Variants in PDCD1LG2 observed in about 807,000 individuals in gnomAD.
The protein encoded by PDCD1LG2 is programmed cell death 1 ligand 2.
PDCD1LG2 carries 32 observed loss-of-function variants against 28.2 expected under a neutral mutation model. The observed-to-expected ratio is 1.13, with a 90% CI of 0.86 to 1.52. The LOEUF (loss-of-function observed/expected upper bound fraction) is 1.52. Ranked by LOEUF, PDCD1LG2 falls within the 40% of genes most tolerant of loss-of-function variation. PDCD1LG2 has a pLI of 0.00. For synonymous variants in PDCD1LG2, 116 were observed against 120.2 expected, an observed-to-expected ratio of 0.97 and a Z score of 0.23; for missense variants, 385 against 323.8, an observed-to-expected ratio of 1.19 and a Z score of -1.45.
intron 2 of PDCD1LG2, among the ~76,000 whole-genome samples, chr9:5,530,245 C>T (rs906509378): frequency 6.6e-6 from 1 of 152,124 alleles, no homozygotes; most frequent in Non-Finnish European, 1.5e-5. Context: ...AAAGGACCTG[C>T]ATACATGAAT....
At chr9:5,545,128 T>G (rs751917622) in intron 3 of PDCD1LG2, among the ~76,000 whole-genome samples, 1 of 152,232 alleles carries the variant, frequency 6.6e-6, no homozygotes, top group African/African-American at 2.4e-5. Context: ...ACTAATTGAG[T>G]GTTTACTACG....
chr9:5,526,554 C>A (rs1820383305), intron 2 of PDCD1LG2, among the ~76,000 whole-genome samples: 1 of 152,192 alleles, frequency 6.6e-6, no homozygotes, highest in African/African-American at 2.4e-5. Context: ...TCTCCTGCCT[C>A]AATCTCCTGA....
At chr9:5,551,609 C>T (rs556041865) in intron 4 of PDCD1LG2, among the ~76,000 whole-genome samples, 9 of 152,296 alleles carry the variant, frequency 5.9e-5, no homozygotes, top group East Asian at 1.9e-4. Flanking sequence ...CTGGGCTAGA[C>T]ATGCATGTGG....
intron 3 of PDCD1LG2, among the ~76,000 whole-genome samples, chr9:5,536,483 AAC>A (rs1820582505): frequency 6.6e-6 from 1 of 152,212 alleles, no homozygotes; most frequent in Admixed American, 6.5e-5. Context: ...GGAACTCTAG[AAC>A]ACTGAAGTTT....
chr9:5,555,188 G>A (rs1285364171), intron 4 of PDCD1LG2, among the ~76,000 whole-genome samples: 1 of 152,154 alleles, frequency 6.6e-6, no homozygotes, highest in East Asian at 1.9e-4. Context: ...GCTGAGATGG[G>A]TGGATTGCTT....
At chr9:5,534,635 A>T (rs1402281319) in intron 2 of PDCD1LG2, 110 bp from the exon 3 acceptor site, 5 of 926,750 alleles carry the variant, frequency 5.4e-6, no homozygotes, top group Non-Finnish European at 8.0e-6. Flanking sequence ...TCCAGATAAG[A>T]CAGGTGCCTT....
intron 1 of PDCD1LG2, among the ~76,000 whole-genome samples, chr9:5,514,975 AAGTT>A (rs1820129400): frequency 6.6e-6 from 1 of 152,064 alleles, no homozygotes; most frequent in African/African-American, 2.4e-5. Flanking sequence ...GATCTTAGTG[AAGTT>A]AGTGAGAGGA....
In PDCD1LG2 at chr9:5,530,815, G is replaced by C. The variant is rs556871143; in HGVS notation, c.56-3930G>C. ...CCAGTGACAGTCCAAATGCAGACCA[G>C]TGTTATAACTCTACTTCTCAAACAT... On this transcript the variant is annotated intron_variant, in intron 2 of 6. Coordinates refer to ENST00000397747, the MANE Select transcript of PDCD1LG2 (RefSeq NM_025239.4). Among the ~76,000 whole-genome samples, 6 of 152,342 alleles carry C rather than the reference G, an allele frequency of 3.9e-5. No homozygotes were observed. In the South Asian group the frequency reaches 1.0e-3, roughly 26 times the overall value.
intron 4 of PDCD1LG2, among the ~76,000 whole-genome samples, chr9:5,557,391 C>T (rs1255400041): frequency 6.6e-6 from 1 of 152,204 alleles, no homozygotes; most frequent in Non-Finnish European, 1.5e-5. Context: ...CTCTCTGTGC[C>T]TCCCTTTCTT....
intron 2 of PDCD1LG2, among the ~76,000 whole-genome samples, 194 bp downstream of exon 2, chr9:5,522,795 C>T (rs1280879923): frequency 6.6e-6 from 1 of 151,842 alleles, no homozygotes; most frequent in African/African-American, 2.4e-5. Flanking sequence ...CCCTATCTGA[C>T]AGAAACGGTG....
intron 3 of PDCD1LG2, among the ~76,000 whole-genome samples, chr9:5,544,126 T>G (rs1820746807): frequency 6.6e-6 from 1 of 152,214 alleles, no homozygotes. Context: ...TTGTAACATA[T>G]CTGTCAGACA....
At chr9:5,514,418 G>A (rs1175701774) in intron 1 of PDCD1LG2, among the ~76,000 whole-genome samples, 3 of 152,004 alleles carry the variant, frequency 2.0e-5, no homozygotes, top group African/African-American at 4.8e-5. Flanking sequence ...GAAACTGCTA[G>A]AACCTACCAT....
chr9:5,561,925 C>T (rs1420894501), intron 5 of PDCD1LG2, among the ~76,000 whole-genome samples: 1 of 152,218 alleles, frequency 6.6e-6, no homozygotes. Flanking sequence ...CTGAAGCCAA[C>T]ATTCAAGAGC....
intron 6 of PDCD1LG2, among the ~76,000 whole-genome samples, chr9:5,564,848 G>A (rs373997463): frequency 1.3e-5 from 2 of 152,282 alleles, no homozygotes; most frequent in South Asian, 4.1e-4. Context: ...TTTTTGGAGT[G>A]TCCTCCCTAT....
chr9:5,546,213 T>A (rs981185609), intron 3 of PDCD1LG2, among the ~76,000 whole-genome samples: 5 of 152,138 alleles, frequency 3.3e-5, no homozygotes, highest in Non-Finnish European at 7.3e-5. Flanking sequence ...CTGGCATCCC[T>A]ACTTCTGAAA....
At position 5,534,898 on chromosome 9, in the gene PDCD1LG2, G is replaced by C. The variant is rs146192984; in HGVS notation, c.209G>C (p.Arg70Pro). The C allele has an allele frequency of 6.2e-7, 1 of 1,614,130 alleles. No individual in the cohort carries two copies. The highest frequency in any genetic ancestry group is 1.6e-4 in the Middle Eastern group (1 of 6,062). ...QKVENDTSPH[R>P]ERATLLEEQL... ...GTGGAAAATGATACATCCCCACACC[G>C]TGAAAGAGCCACTTTGCTGGAGGAG... Residue 70 changes from arginine (R) to proline (P), a missense_variant, in exon 3 of 7, where the codon CGT becomes CCT. Coordinates refer to ENST00000397747, the MANE Select transcript of PDCD1LG2 (RefSeq NM_025239.4).
At chr9:5,567,028 A>G (rs1457422336) in intron 6 of PDCD1LG2, among the ~76,000 whole-genome samples, 1 of 152,208 alleles carries the variant, frequency 6.6e-6, no homozygotes, top group Non-Finnish European at 1.5e-5. Context: ...GTTGTACTTC[A>G]CTACATTTTT....
rs1007070910 is a variant in PDCD1LG2 at position 5,563,206 on chromosome 9, A to C, written c.811A>C (p.Ser271Arg). 2.5e-6 allele frequency: 4 copies of C among 1,611,242 alleles called. No individual in the cohort carries two copies. Among genetic ancestry groups the C allele is most frequent in the Non-Finnish European group, 2.5e-6 (3 of 1,177,996 alleles). ...CACCACAACAAAGAGGGAAGTGAAC[A>C]GTGCTGTGAGTAAGCATGATTTTTA... ...PVTTTKREVNSAI is the reference protein window; with the variant it reads ...PVTTTKREVNRAI Residue 271 changes from serine to arginine, a missense_variant, in exon 6 of 7, where the codon AGT becomes CGT. Transcript: ENST00000397747.
At chr9:5,526,264 A>T (rs1820377564) in intron 2 of PDCD1LG2, among the ~76,000 whole-genome samples, 1 of 152,188 alleles carries the variant, frequency 6.6e-6, no homozygotes, top group Admixed American at 6.5e-5. Context: ...ACATGAAACA[A>T]CTATAAAGCT....
Sources: allele counts gnomAD v4.1 joint callset (sites outside exome capture counted in the v4.1 genomes callset), GRCh38; gene constraint gnomAD v4.1.1; transcripts MANE v1.5; gene names NCBI Gene and HGNC (gene_info 2026-07-23, HGNC 2026-07-21).